HAUS7: variants seen among roughly 807,000 people sequenced by gnomAD.
HAUS7 encodes HAUS augmin like complex subunit 7.
In HAUS7, 3 loss-of-function variants were observed where a neutral mutation model predicts 28.4. The observed-to-expected ratio is 0.11, with a 90% CI of 0.05 to 0.27. The LOEUF (loss-of-function observed/expected upper bound fraction) is 0.27. Ranked by LOEUF, HAUS7 falls within the 10% of genes least tolerant of loss-of-function variation. The pLI is 1.00. For missense variants in HAUS7, 284 were observed against 297.3 expected (o/e 0.96, Z 0.33); for synonymous variants, 165 against 132.1 (o/e 1.25, Z -1.71).
At chrX:153,489,099 C>T (rs1191199448) in intron 1 of HAUS7, among the ~76,000 whole-genome samples, 19 of 112,766 alleles carry the variant, frequency 1.7e-4, no homozygotes, top group African/African-American at 5.8e-4. Flanking sequence ...ACCTGCACTC[C>T]GAGATGGGGC....
intron 1 of HAUS7, among the ~76,000 whole-genome samples, chrX:153,493,050 G>A (rs1348024576): frequency 2.7e-5 from 3 of 112,127 alleles, no homozygotes; most frequent in African/African-American, 6.5e-5. Flanking sequence ...CTTACCACAC[G>A]ATTTGCGCAT....
rs782057094 is a variant in HAUS7, at chrX:153,447,902, C to A, written c.1053G>T (p.Lys351Asn). 4.2e-6 allele frequency: 5 copies of A among 1,198,997 alleles called. No individual in the cohort carries two copies. The highest frequency in any genetic ancestry group is 5.7e-6 in the Non-Finnish European group (5 of 884,626). The part of the protein sequence containing the change: ...GSSSVMSLAT[K>N]MNELMEK ...TCTATTTCTCCATTAGTTCATTCAT[C>A]TTGGTAGCTGCAGAGGAAAGAAAAG... is the stretch of plus-strand genomic sequence containing the variant. Residue 351 changes from lysine (K) to asparagine (N), a missense_variant, in exon 10 of 10, where the codon AAG becomes AAT. Lys to Asn is a moderately conservative substitution (Grantham distance 94). Coordinates refer to ENST00000370211, the MANE Select transcript of HAUS7 (RefSeq NM_001385482.1).
intron 1 of HAUS7, among the ~76,000 whole-genome samples, chrX:153,477,878 G>A (rs1319811745): frequency 8.9e-6 from 1 of 112,092 alleles, no homozygotes; most frequent in Non-Finnish European, 1.9e-5. Context: ...TAGCTGGAGC[G>A]GCAGCTCCTC....
Position 153,478,860 on chromosome X carries a change from A to G in HAUS7, c.-588-7715T>C, listed in dbSNP as rs782817922. ...TTTCGCAGCCATGGATGCAGGGCCCAGCAGCCTGCGGTGGCCGACCCGCTC... is the reference window on the plus strand; with the variant it reads ...TTTCGCAGCCATGGATGCAGGGCCCGGCAGCCTGCGGTGGCCGACCCGCTC... On this transcript the variant is annotated intron_variant, in intron 1 of 5. Transcript: ENST00000370210. 4.4e-3 allele frequency among the ~76,000 whole-genome samples: 493 copies of G among 112,635 alleles called. 2 individuals carry two copies. The highest frequency in any genetic ancestry group is 0.015 in the African/African-American group (462 of 31,065).
At chrX:153,472,435 A>ACCACCCACCACCCGCCACCCACCACCCG (rs1556985541), upstream of HAUS7, among the ~76,000 whole-genome samples, 3 of 13,544 alleles carry the variant, frequency 2.2e-4, no homozygotes, top group Non-Finnish European at 3.2e-4. Context: ...CCCACCACCC[A>ACCACCCACCACCCGCCACCCACCACCCG]CCACCCACCA....
intron 4 of HAUS7, among the ~76,000 whole-genome samples, chrX:153,459,334 T>C (rs1355676282): frequency 2.7e-5 from 3 of 112,575 alleles, no homozygotes; most frequent in African/African-American, 9.7e-5. Flanking sequence ...ACCGCCTTTC[T>C]GTAGGTTTTT....
intron 1 of HAUS7, among the ~76,000 whole-genome samples, chrX:153,476,599 G>A (rs1317174506): frequency 8.9e-6 from 1 of 111,911 alleles, no homozygotes; most frequent in Admixed American, 9.4e-5. Context: ...TTCTCTAGGC[G>A]CCTTCTGGCT....
intron 8 of HAUS7, chrX:153,455,096 A>G (rs1556981816): frequency 1.2e-6 from 1 of 803,705 alleles, no homozygotes. Context: ...TGACGAGCCC[A>G]CTTCCTCTCA....
Position 153,456,585 on chromosome X carries a change from G to C in HAUS7, c.513C>G (p.Ser171Arg), listed in dbSNP as rs887649364. The C allele has an allele frequency of 5.9e-6, 7 of 1,178,128 alleles. No individual in the cohort carries two copies. Among genetic ancestry groups the C allele is most frequent in the African/African-American group, 5.3e-5 (3 of 56,606 alleles). ...NEALLGELFS[S>R]PHLQMLLNPE... ...GATTCAGGAGCATCTGCAGGTGGGG[G>C]CTAGAGAAGAGCTCCCCCAGCAAGG... Residue 171 changes from serine (S) to arginine (R), a missense_variant, in exon 6 of 10, where the codon AGC becomes AGG. Transcript: ENST00000370211.
rs2089314683 is a variant in HAUS7 at position 153,456,600 on chromosome X, C to T, written c.498G>A (p.Gly166=). 1 of 1,181,981 alleles carries T rather than the reference C, an allele frequency of 8.5e-7. No homozygotes were observed. Among genetic ancestry groups the T allele is most frequent in the Non-Finnish European group, 1.1e-6 (1 of 878,986 alleles). Residue 166 remains glycine (G), a synonymous_variant, in exon 6 of 10, where the codon GGG becomes GGA. Transcript: ENST00000370211. ...GCAGGTGGGGGCTAGAGAAGAGCTCCCCCAGCAAGGCCTCGTTCTTCTCCC... is the reference window on the plus strand; with the variant it reads ...GCAGGTGGGGGCTAGAGAAGAGCTCTCCCAGCAAGGCCTCGTTCTTCTCCC... ...DTREKNEALL[G]ELFSSPHLQM...
rs1556982300 is a variant in HAUS7, at chrX:153,456,638, A to T, written c.460T>A (p.Phe154Ile). 8.5e-7 allele frequency: 1 copy of T among 1,179,516 alleles called. No homozygotes were observed. Among genetic ancestry groups the T allele is most frequent in the Non-Finnish European group, 1.1e-6 (1 of 877,731 alleles). Residue 154 changes from phenylalanine (F) to isoleucine (I), a missense_variant, in exon 6 of 10, where the codon TTC (phenylalanine) becomes ATC (isoleucine). Phe to Ile is a conservative substitution (Grantham distance 21, BLOSUM62 0). Transcript: ENST00000370211. ...TCGTTCTTCTCCCTGGTGTCCTCGA[A>T]GTGCTCCATCAGGCTGCAAAGGCAG... ...CSSCSSLMEH[F>I]EDTREKNEAL...
chrX:153,450,932 G>A (rs1240836745), intron 9 of HAUS7, among the ~76,000 whole-genome samples: 3 of 112,246 alleles, frequency 2.7e-5, no homozygotes, highest in Non-Finnish European at 3.8e-5. Flanking sequence ...GGCCTTTGGC[G>A]TGGATTTGAT....
chrX:153,465,395 TG>T (rs2089443834), intron 2 of HAUS7, among the ~76,000 whole-genome samples: 1 of 106,514 alleles, frequency 9.4e-6, no homozygotes, highest in South Asian at 4.0e-4. Flanking sequence ...TTTCTCGAAA[TG>T]GCGCAGCGGG....
chrX:153,491,770 C>G (rs2089672368), intron 1 of HAUS7, among the ~76,000 whole-genome samples: 1 of 112,982 alleles, frequency 8.9e-6, no homozygotes, highest in African/African-American at 3.2e-5. Flanking sequence ...CCAGGGCTGC[C>G]CTCCCCACGC....
intron 1 of HAUS7, chrX:153,486,209 T>A: frequency 1.9e-6 from 1 of 531,128 alleles, no homozygotes; most frequent in East Asian, 9.9e-5. Context: ...CTGGCTGGGC[T>A]AGGACAGGCT....
At chrX:153,461,109 G>GCCA (rs370549824) in intron 4 of HAUS7, among the ~76,000 whole-genome samples, 56 of 102,757 alleles carry the variant, frequency 5.4e-4, no homozygotes, top group African/African-American at 2.5e-3. Flanking sequence ...AGGAACGGCA[G>GCCA]GCAAGAGGCG....
rs781836795 is a variant in HAUS7, at chrX:153,457,817, G to A, written c.355-589C>T. 4.4e-5 allele frequency among the ~76,000 whole-genome samples: 5 copies of A among 113,227 alleles called. No individual in the cohort carries two copies. In the East Asian group the frequency reaches 8.4e-4, roughly 19 times the overall value. ...ACCCAGCCAGAAGCTCAAGGCTTCCGGAAGCACAGCTCTTTCCTCCTTCCA... is the reference window on the plus strand; with the variant it reads ...ACCCAGCCAGAAGCTCAAGGCTTCCAGAAGCACAGCTCTTTCCTCCTTCCA... On this transcript the variant is annotated intron_variant, in intron 4 of 9. Transcript: ENST00000370211.
At chrX:153,455,130 C>G in intron 8 of HAUS7, 1 of 549,916 alleles carries the variant, frequency 1.8e-6, no homozygotes, top group African/African-American at 2.3e-5. Flanking sequence ...GGCTCATGGG[C>G]AGACAGGCAG....
At chrX:153,494,741 G>A (rs1337086373) in intron 1 of HAUS7, among the ~76,000 whole-genome samples, 3 of 66,111 alleles carry the variant, frequency 4.5e-5, no homozygotes, top group Non-Finnish European at 1.3e-4. Context: ...GGCGGGGGAG[G>A]GGGGGGGAGG....
Sources: allele counts gnomAD v4.1 joint callset (sites outside exome capture counted in the v4.1 genomes callset), GRCh38; gene constraint gnomAD v4.1.1; transcripts MANE v1.5; gene names NCBI Gene and HGNC (gene_info 2026-07-23, HGNC 2026-07-21).